The following DPP6 variants were observed in gnomAD, a reference collection of about 807,000 sequenced individuals.
DPP6 encodes the protein dipeptidyl peptidase like 6.
DPP6 carries 69 observed loss-of-function variants against 122.6 expected under a neutral mutation model. The observed-to-expected ratio is 0.56, with a 90% CI of 0.46 to 0.69. The LOEUF is 0.69. Ranked by LOEUF, DPP6 falls within the 30% of genes least tolerant of loss-of-function variation. The pLI is 0.00. For synonymous variants in DPP6, 418 were observed against 433.1 expected, an observed-to-expected ratio of 0.97 and a Z score of 0.43; for missense variants, 928 against 1,116.9, an observed-to-expected ratio of 0.83 and a Z score of 2.41.
intron 6 of DPP6, among the ~76,000 whole-genome samples, chr7:154,642,958 C>A (rs2130948629): frequency 6.6e-6 from 1 of 152,222 alleles, no homozygotes; most frequent in Admixed American, 6.5e-5. Flanking sequence ...AATTTTGCAT[C>A]TAGTGAGTGA....
intron 1 of DPP6, chr7:154,095,503 A>G (rs1805261403): frequency 7.1e-6 from 1 of 141,468 alleles, no homozygotes; most frequent in Non-Finnish European, 1.6e-5. Flanking sequence ...GTGTTTTCAA[A>G]TAATGTTTTT....
chr7:154,140,428 A>G (rs1795787751), intron 1 of DPP6, among the ~76,000 whole-genome samples: 1 of 152,202 alleles, frequency 6.6e-6, no homozygotes, highest in Non-Finnish European at 1.5e-5. Flanking sequence ...ATAGAAAACC[A>G]TGGAGCTTCT....
At chr7:154,175,219 C>T (rs1797737957) in intron 1 of DPP6, among the ~76,000 whole-genome samples, 2 of 152,198 alleles carry the variant, frequency 1.3e-5, no homozygotes, top group South Asian at 4.1e-4. Context: ...TCTCTGTCAC[C>T]TGGTGTCACA....
At chr7:154,228,209 G>T (rs184640551) in intron 1 of DPP6, among the ~76,000 whole-genome samples, 8 of 152,286 alleles carry the variant, frequency 5.3e-5, no homozygotes, top group Admixed American at 2.6e-4. Context: ...ACAATTTGGA[G>T]TGACTTTTGT....
At chr7:153,874,281 G>C in the DPP6 span, among the ~76,000 whole-genome samples, 5 of 106,510 alleles carry the variant, frequency 4.7e-5, no homozygotes, top group African/African-American at 1.4e-4. Flanking sequence ...CACACACACA[G>C]ACACACACAC....
At chr7:154,026,307 C>T (rs1798953273) in intron 1 of DPP6, 1 of 151,798 alleles carries the variant, frequency 6.6e-6, no homozygotes, top group Non-Finnish European at 1.5e-5. Context: ...TGGACTCTGC[C>T]CCATGTACCT....
chr7:154,442,354 G>A (rs1586283623), intron 1 of DPP6, among the ~76,000 whole-genome samples: 2 of 152,306 alleles, frequency 1.3e-5, no homozygotes, highest in Middle Eastern at 3.4e-3. Flanking sequence ...GTTACAGAAA[G>A]GCACTCACAG....
At chr7:154,478,053 C>G (rs999030196) in intron 3 of DPP6, among the ~76,000 whole-genome samples, 6 of 152,006 alleles carry the variant, frequency 3.9e-5, no homozygotes, top group Non-Finnish European at 8.8e-5. Context: ...TCTTCCCGCT[C>G]CCTAAAGAGG....
rs80014174 is a variant in DPP6, at chr7:154,277,904, C to T, written c.244-168310C>T. On this transcript the variant is annotated intron_variant, in intron 1 of 25. Coordinates refer to ENST00000377770, the MANE Select transcript of DPP6 (RefSeq NM_130797.4). ...TGGGTAGTGACCTTAACAGTGCATA[C>T]TGTGCTGAAACTCTCCCCAGTGAGA... Among the ~76,000 whole-genome samples the T allele has an allele frequency of 4.3e-3, 649 of 152,328 alleles. 19 individuals are homozygous for T. Among genetic ancestry groups the T allele is most frequent in the Admixed American group, 0.037 (569 of 15,294 alleles).
the DPP6 span, among the ~76,000 whole-genome samples, chr7:153,869,330 G>A: frequency 2.4e-4 from 36 of 152,232 alleles, no homozygotes; most frequent in African/African-American, 7.9e-4. Context: ...ATTAATCTGG[G>A]TGCTCCTGTA....
chr7:154,820,805 T>C (rs1799713133), intron 16 of DPP6, among the ~76,000 whole-genome samples: 3 of 152,188 alleles, frequency 2.0e-5, no homozygotes, highest in African/African-American at 7.2e-5. Flanking sequence ...TTCCCCATGC[T>C]TTTGAGTCGT....
At position 153,936,406 on chromosome 7, in the gene DPP6, C is replaced by T. The variant is rs964320272; in HGVS notation, c.51+48672C>T. Among the ~76,000 whole-genome samples, 25 of 152,138 alleles carry T rather than the reference C, an allele frequency of 1.6e-4. 1 individual carries two copies. The highest frequency in any genetic ancestry group is 5.9e-4 in the Admixed American group (9 of 15,280). On this transcript the variant is annotated intron_variant, in intron 1 of 25. Coordinates refer to the DPP6 transcript ENST00000404039. ...TCCTGCAGCTGTTCTGGGGAGACCG[C>T]GAGCTCGTCACCCCACGGCCTCCAC...
intron 1 of DPP6, among the ~76,000 whole-genome samples, chr7:153,948,684 T>A (rs1283627997): frequency 6.7e-6 from 1 of 150,226 alleles, no homozygotes; most frequent in Non-Finnish European, 1.5e-5. Context: ...GAACAAAATA[T>A]AATACAACTT....
intron 6 of DPP6, among the ~76,000 whole-genome samples, chr7:154,657,872 T>A (rs1837374267): frequency 6.6e-6 from 1 of 152,182 alleles, no homozygotes; most frequent in Non-Finnish European, 1.5e-5. Context: ...CATAAAAGTC[T>A]CTCCTCCATG....
intron 5 of DPP6, among the ~76,000 whole-genome samples, chr7:154,577,536 G>C (rs998329320): frequency 3.3e-5 from 5 of 152,216 alleles, no homozygotes; most frequent in African/African-American, 9.6e-5. Context: ...TGATAATGTA[G>C]TAATAATAAG....
At position 154,429,180 on chromosome 7, in the gene DPP6, T is replaced by TAAAAAAA. The variant is rs34365501; in HGVS notation, c.244-17027_244-17021dup. Reference sequence around the variant, plus strand: ...TCTGAGCTTCTGCTTCTTAATCTGTTAAAAAAAAAAAAAGCATAATTTGTC... The same window carrying TAAAAAAA: ...TCTGAGCTTCTGCTTCTTAATCTGTTAAAAAAAAAAAAAAAAAAAAGCATAATTTGTC... On this transcript the variant is annotated intron_variant, in intron 1 of 25. Transcript: ENST00000377770. Among the ~76,000 whole-genome samples the TAAAAAAA allele has an allele frequency of 2.1e-4, 31 of 146,196 alleles. No individual in the cohort carries two copies. In the East Asian group the frequency reaches 3.7e-3, roughly 17 times the overall value.
chr7:154,181,379 T>A (rs1563286609), intron 1 of DPP6, among the ~76,000 whole-genome samples: 1 of 152,184 alleles, frequency 6.6e-6, no homozygotes, highest in Non-Finnish European at 1.5e-5. Context: ...CCATCATACT[T>A]CCTTGCAAGA....
the DPP6 span, among the ~76,000 whole-genome samples, chr7:153,770,906 T>A: frequency 6.6e-6 from 1 of 152,160 alleles, no homozygotes; most frequent in African/African-American, 2.4e-5. Context: ...ATAGAATTTT[T>A]ACAAAATGAA....
At chr7:154,846,188 A>G (rs2150562840) in intron 16 of DPP6, among the ~76,000 whole-genome samples, 2 of 149,928 alleles carry the variant, frequency 1.3e-5, no homozygotes, top group South Asian at 4.2e-4. Flanking sequence ...ATATACATAT[A>G]TAATGTATAT....
Sources: gnomAD v4.1 joint callset for allele counts (sites outside exome capture counted in the v4.1 genomes callset) on GRCh38, gnomAD v4.1.1 for gene constraint, MANE v1.5 for transcripts, NCBI Gene and HGNC (gene_info 2026-07-23, HGNC 2026-07-21) for gene names.